MARCHF4: variants seen among roughly 807,000 people sequenced by gnomAD.
MARCHF4 encodes the protein E3 ubiquitin-protein ligase MARCHF4.
MARCHF4 carries 14 observed loss-of-function variants against 43.9 expected under a neutral mutation model. That is an observed-to-expected ratio of 0.32 (90% CI 0.21 to 0.50). MARCHF4 has a LOEUF of 0.50. Among genes scored for constraint, MARCHF4 ranks in the 20% least tolerant of loss-of-function variants. MARCHF4 has a pLI of 0.98. For missense variants in MARCHF4, 468 were observed against 536.7 expected, an observed-to-expected ratio of 0.87 and a Z score of 1.27; for synonymous variants, 226 against 213.3, an observed-to-expected ratio of 1.06 and a Z score of -0.52.
intron 1 of MARCHF4, among the ~76,000 whole-genome samples, chr2:216,332,862 G>A (rs61050379): frequency 0.075 from 11,391 of 152,146 alleles, 533 homozygotes; most frequent in South Asian, 0.12. Context: ...CCACATACAC[G>A]GATACACAAT....
intron 3 of MARCHF4, among the ~76,000 whole-genome samples, chr2:216,275,300 T>C (rs1375996023): frequency 1.3e-5 from 2 of 152,058 alleles, no homozygotes; most frequent in East Asian, 1.9e-4. Flanking sequence ...AGAAACACCA[T>C]GAGAAGAAGA....
At chr2:216,339,109 C>A (rs185512230) in intron 1 of MARCHF4, among the ~76,000 whole-genome samples, 17 of 152,274 alleles carry the variant, frequency 1.1e-4, no homozygotes, top group Non-Finnish European at 1.2e-4. Context: ...GCAAGGGGAG[C>A]CTTGGACCAG....
At chr2:216,262,029 G>GAA (rs1690749876) in intron 3 of MARCHF4, among the ~76,000 whole-genome samples, 1 of 152,052 alleles carries the variant, frequency 6.6e-6, no homozygotes, top group African/African-American at 2.4e-5. Context: ...GAAGGAGGGA[G>GAA]AATGATAGAA....
In MARCHF4 at chr2:216,371,301, G is replaced by A. The variant is rs1418311888; in HGVS notation, c.-1041C>T. On this transcript the variant is annotated 5_prime_UTR_variant, in exon 1 of 4. Transcript: ENST00000273067. Reference sequence around the variant, plus strand: ...CAGCCCCCAGCCCACCCCTGCTGCAGTCGGCAAATCCGTGGCGCCCTCCCC... The same window carrying A: ...CAGCCCCCAGCCCACCCCTGCTGCAATCGGCAAATCCGTGGCGCCCTCCCC... The A allele has an allele frequency of 6.5e-6, 1 of 153,014 alleles. No homozygotes were observed. The highest frequency in any genetic ancestry group is 1.5e-5 in the Non-Finnish European group (1 of 68,362). The allele number at this position is 153,014 out of a possible 1,614,324, so 9.5% of individuals were successfully genotyped here.
intron 3 of MARCHF4, among the ~76,000 whole-genome samples, chr2:216,271,982 T>A (rs1483734299): frequency 1.9e-5 from 2 of 107,458 alleles, no homozygotes; most frequent in Non-Finnish European, 4.2e-5. Context: ...TTTTTTTTTT[T>A]AGAGATCTCT....
At chr2:216,304,364 T>A (rs894167409) in intron 1 of MARCHF4, among the ~76,000 whole-genome samples, 1 of 152,192 alleles carries the variant, frequency 6.6e-6, no homozygotes, top group Non-Finnish European at 1.5e-5. Context: ...GAATTATGAC[T>A]TCACAGGATA....
At chr2:216,270,757 A>G (rs1690922946) in intron 3 of MARCHF4, among the ~76,000 whole-genome samples, 1 of 152,024 alleles carries the variant, frequency 6.6e-6, no homozygotes, top group East Asian at 1.9e-4. Flanking sequence ...AGGCTCCACA[A>G]TGGTGCCCAT....
At chr2:216,292,811 T>C (rs1691328511) in intron 1 of MARCHF4, among the ~76,000 whole-genome samples, 1 of 152,148 alleles carries the variant, frequency 6.6e-6, no homozygotes, top group Admixed American at 6.5e-5. Context: ...ACCAGAAGAT[T>C]CCAGTGTCTT....
In MARCHF4 at chr2:216,259,125, A is replaced by G; in HGVS notation, c.*187T>C. On this transcript the variant is annotated 3_prime_UTR_variant, in exon 4 of 4. Transcript: ENST00000273067. The stretch of plus-strand genomic sequence containing the variant: ...ATTGTTGTTGTGGAGAGTGGCATTG[A>G]CTGATTGGAAATAGCAGAACTGCTC... 2.9e-6 allele frequency: 2 copies of G among 684,008 alleles called. No homozygotes were observed. The highest frequency in any genetic ancestry group is 2.7e-5 in the East Asian group (1 of 37,710). The allele number at this position is 684,008 out of a possible 1,614,324, so 42.4% of individuals were successfully genotyped here. A position where few individuals can be genotyped will look rare whatever the true frequency, so the allele number is the denominator to read the frequency against.
intron 1 of MARCHF4, among the ~76,000 whole-genome samples, chr2:216,341,595 T>C (rs1158275025): frequency 6.6e-6 from 1 of 152,230 alleles, no homozygotes; most frequent in African/African-American, 2.4e-5. Context: ...AAAGTCCTAG[T>C]AGGCTTAGTA....
At chr2:216,264,733 A>G (rs1690817243) in intron 3 of MARCHF4, among the ~76,000 whole-genome samples, 1 of 152,210 alleles carries the variant, frequency 6.6e-6, no homozygotes. Context: ...TGATCAGGCA[A>G]TTTTGTCCTG....
At chr2:216,337,055 G>C (rs555138543) in intron 1 of MARCHF4, among the ~76,000 whole-genome samples, 4 of 151,904 alleles carry the variant, frequency 2.6e-5, no homozygotes, top group African/African-American at 9.7e-5. Flanking sequence ...AGGAGGCTGA[G>C]GCAGGAGAAT....
intron 1 of MARCHF4, among the ~76,000 whole-genome samples, chr2:216,332,442 C>T (rs930906660): frequency 3.3e-5 from 5 of 150,150 alleles, no homozygotes; most frequent in African/African-American, 9.8e-5. Context: ...ACTAAAAACC[C>T]GAAACCCCCC....
At chr2:216,354,983 C>CTTTCTTTCTTTCTT (rs1559106750) in intron 1 of MARCHF4, among the ~76,000 whole-genome samples, 1 of 96,860 alleles carries the variant, frequency 1.0e-5, no homozygotes, top group Admixed American at 1.2e-4. Flanking sequence ...TTCTTTCTTT[C>CTTTCTTTCTTTCTT]TTTTTTGAGA....
intron 1 of MARCHF4, among the ~76,000 whole-genome samples, chr2:216,283,949 T>A (rs754276175): frequency 3.9e-5 from 6 of 152,142 alleles, no homozygotes; most frequent in Non-Finnish European, 8.8e-5. Context: ...TCTGAGCCCC[T>A]GCTACTGCTT....
intron 1 of MARCHF4, among the ~76,000 whole-genome samples, chr2:216,311,993 C>G (rs1012398102): frequency 2.0e-5 from 3 of 152,058 alleles, no homozygotes; most frequent in African/African-American, 7.2e-5. Flanking sequence ...TTTATTTTAA[C>G]TTAGATTCAA....
chr2:216,270,953 T>C (rs1468437337), intron 3 of MARCHF4, among the ~76,000 whole-genome samples: 1 of 152,234 alleles, frequency 6.6e-6, no homozygotes, highest in Admixed American at 6.5e-5. Context: ...TTCCCTTCCC[T>C]ATTCTGTCCA....
At chr2:216,358,029 AAC>A (rs1692525962) in intron 1 of MARCHF4, among the ~76,000 whole-genome samples, 1 of 152,210 alleles carries the variant, frequency 6.6e-6, no homozygotes, top group African/African-American at 2.4e-5. Context: ...GTCAGACAAA[AAC>A]ACCAAGCCCT....
intron 1 of MARCHF4, among the ~76,000 whole-genome samples, chr2:216,355,198 C>T (rs2105981609): frequency 6.6e-6 from 1 of 152,120 alleles, no homozygotes; most frequent in East Asian, 1.9e-4. Context: ...TCTTGAACTC[C>T]TGACCTCAAG....
Sources: gnomAD v4.1 joint callset for allele counts (sites outside exome capture counted in the v4.1 genomes callset) on GRCh38, gnomAD v4.1.1 for gene constraint, MANE v1.5 for transcripts, NCBI Gene and HGNC (gene_info 2026-07-23, HGNC 2026-07-21) for gene names.